KLC2: variants seen among roughly 807,000 people sequenced by gnomAD.
KLC2 encodes kinesin light chain 2, also known as KLC 2.
Under a neutral mutation model 75.1 loss-of-function variants are expected in KLC2, and 35 were observed. The observed-to-expected ratio is 0.47, with a 90% CI of 0.36 to 0.62. The LOEUF is 0.62. Ranked by LOEUF, KLC2 falls within the 20% of genes least tolerant of loss-of-function variation. The pLI is 0.00. For synonymous variants in KLC2, 314 were observed against 336.7 expected (o/e 0.93, Z 0.74); for missense variants, 611 against 833.2 (o/e 0.73, Z 3.28).
chr11:66,263,061 A>T, intron 5 of KLC2, 25 bp downstream of exon 5: 1 of 1,563,158 alleles, frequency 6.4e-7, no homozygotes, highest in South Asian at 1.1e-5. Context: ...GGGGTGCCCA[A>T]ATTCTTCTGG....
Position 66,265,006 on chromosome 11 carries a change from C to A in KLC2, c.1217-17C>A. On this transcript the variant is annotated splice_polypyrimidine_tract_variant and intron_variant, in intron 9 of 15. Transcript: ENST00000394067. The stretch of plus-strand genomic sequence containing the variant: ...ACCTATATGGTAGGCTGGTGACAGT[C>A]CCCTTTCTCTCCCCAGGGGACAACA... 1 of 1,612,656 alleles carries A rather than the reference C, an allele frequency of 6.2e-7. No homozygotes were observed.
the KLC2 span, among the ~76,000 whole-genome samples, chr11:66,247,097 C>T: frequency 3.9e-5 from 6 of 152,164 alleles, no homozygotes; most frequent in Non-Finnish European, 8.8e-5. Context: ...GTTCCGAGGC[C>T]GAAAACTGGG....
Position 66,266,024 on chromosome 11 carries a change from G to C in KLC2, c.1602+12G>C. The C allele has an allele frequency of 6.2e-7, 1 of 1,613,406 alleles. No individual in the cohort carries two copies. Among genetic ancestry groups the C allele is most frequent in the Non-Finnish European group, 8.5e-7 (1 of 1,179,578 alleles). ...CTGAGTGGAATGGGGTGAGTCCGGG[G>C]CCTGGGCCGGGTCGGGCTGGGAGCC... On this transcript the variant is annotated intron_variant, in intron 13 of 15. Coordinates refer to ENST00000394067, the MANE Select transcript of KLC2 (RefSeq NM_001318734.2).
chr11:66,261,924 G>A lies in KLC2; in HGVS notation c.411G>A (p.Leu137=), dbSNP rs1341105934. ...AGCTCGAGGAGGAGAAGCAGCACTTGCTGTTCATGAGCCAGATCCGCAAGT... is the reference window on the plus strand; with the variant it reads ...AGCTCGAGGAGGAGAAGCAGCACTTACTGTTCATGAGCCAGATCCGCAAGT... The part of the protein sequence containing the change: ...VAQLEEEKQH[L]LFMSQIRKLD... The change falls in exon 3 of 16, where the codon TTG becomes TTA. Residue 137 remains leucine, a synonymous_variant. Coordinates refer to ENST00000394067, the MANE Select transcript of KLC2 (RefSeq NM_001318734.2). 6.2e-7 allele frequency: 1 copy of A among 1,614,222 alleles called. No individual in the cohort carries two copies. The highest frequency in any genetic ancestry group is 8.5e-7 in the Non-Finnish European group (1 of 1,180,034).
At chr11:66,255,531 G>A (rs1167819674), upstream of KLC2, among the ~76,000 whole-genome samples, 1 of 152,028 alleles carries the variant, frequency 6.6e-6, no homozygotes, top group Non-Finnish European at 1.5e-5. Context: ...CAATGTGAGG[G>A]CTGAAGGATC....
At chr11:66,262,546 A>C (rs1229995385) in intron 4 of KLC2, 2 of 563,070 alleles carry the variant, frequency 3.6e-6, no homozygotes, top group Non-Finnish European at 6.4e-6. Context: ...CTGGTTATGC[A>C]TCGGGGCCTC....
the KLC2 span, among the ~76,000 whole-genome samples, chr11:66,247,054 T>C: frequency 6.6e-6 from 1 of 152,156 alleles, no homozygotes; most frequent in Non-Finnish European, 1.5e-5. Context: ...CTGGGGAGAC[T>C]TCCCTCCTAG....
Position 66,265,928 on chromosome 11 carries a change from C to T in KLC2, c.1518C>T (p.Arg506=), listed in dbSNP as rs756395506. ...KDGSGRRGDR[R]SSRDMAGGAG... ...GCAGTGGCAGGCGGGGAGACCGCCG[C>T]AGCAGCCGAGACATGGCTGGGGGTG... Residue 506 remains arginine (R), a synonymous_variant, in exon 13 of 16, where the codon CGC becomes CGT. Transcript: ENST00000394067. The T allele has an allele frequency of 1.3e-6, 2 of 1,590,050 alleles. No homozygotes were observed. The highest frequency in any genetic ancestry group is 1.1e-5 in the South Asian group (1 of 88,130).
chr11:66,248,230 A>C, the KLC2 span, among the ~76,000 whole-genome samples: 2 of 152,182 alleles, frequency 1.3e-5, no homozygotes, highest in African/African-American at 4.8e-5. Flanking sequence ...GAGTGGCTAT[A>C]TACCGCCCTG....
chr11:66,249,549 G>T, the KLC2 span, among the ~76,000 whole-genome samples: 2,464 of 152,288 alleles, frequency 0.016, 25 homozygotes, highest in Middle Eastern at 0.037. Flanking sequence ...GGCTGCTGCT[G>T]AGTGCCTTAT....
At chr11:66,251,575 C>A in the KLC2 span, among the ~76,000 whole-genome samples, 2 of 138,796 alleles carry the variant, frequency 1.4e-5, 1 homozygote, top group Admixed American at 1.4e-4. Flanking sequence ...GAGTTCGAAA[C>A]CAGCCTGACC....
In KLC2 at chr11:66,267,204, A is replaced by T. The variant is rs1485114823; in HGVS notation, c.*248A>T. On this transcript the variant is annotated 3_prime_UTR_variant, in exon 16 of 16. Coordinates refer to ENST00000394067, the MANE Select transcript of KLC2 (RefSeq NM_001318734.2). ...TCTTCCCTAGGTTCGGGCCAGCAGG[A>T]GGTGCCGGCTGGAGTCTCCACCATA... 6.5e-7 allele frequency: 1 copy of T among 1,548,318 alleles called. No homozygotes were observed. Among genetic ancestry groups the T allele is most frequent in the South Asian group, 1.2e-5 (1 of 83,982 alleles).
In KLC2 at chr11:66,262,115, C is replaced by T. The variant is rs748187904; in HGVS notation, c.460-8C>T. ...CTTCCCTGATGCTCATCCTGTCTTC[C>T]TTCCCAGGAGGAGAAGGGGGACGTC... is the stretch of plus-strand genomic sequence containing the variant. On this transcript the variant is annotated splice_polypyrimidine_tract_variant and splice_region_variant and intron_variant, in intron 3 of 15. Transcript: ENST00000394067. 2 of 1,613,028 alleles carry T rather than the reference C, an allele frequency of 1.2e-6. No individual in the cohort carries two copies. The highest frequency in any genetic ancestry group is 8.5e-7 in the Non-Finnish European group (1 of 1,179,536).
Position 66,258,745 on chromosome 11 carries a change from G to A in KLC2, c.151G>A (p.Glu51Lys), listed in dbSNP as rs757182897. The change falls in exon 2 of 16, where the codon GAG becomes AAG. Residue 51 changes from glutamate (E) to lysine (K), a missense_variant. Glu to Lys is a moderately conservative substitution (Grantham distance 56, BLOSUM62 1). Transcript: ENST00000394067. ...PLVAPEAGEA[E>K]PGSQERCILL... is the part of the protein sequence containing the mutation. Reference sequence around the variant, plus strand: ...GGTTGCACCTGAGGCCGGCGAAGCCGAGCCTGGCTCGCAGGAGCGCTGCAT... The same window carrying A: ...GGTTGCACCTGAGGCCGGCGAAGCCAAGCCTGGCTCGCAGGAGCGCTGCAT... 2 of 1,613,582 alleles carry A rather than the reference G, an allele frequency of 1.2e-6. No homozygotes were observed. The highest frequency in any genetic ancestry group is 1.7e-5 in the Admixed American group (1 of 60,034).
chr11:66,266,793 C>T, intron 15 of KLC2, 80 bp from the exon 16 acceptor site: 1 of 1,454,246 alleles, frequency 6.9e-7, no homozygotes, highest in Non-Finnish European at 9.6e-7. Flanking sequence ...GCTGCCTCTG[C>T]CAGGTCAGAC....
At chr11:66,262,057 C>A (rs776578635) in intron 3 of KLC2, 66 bp from the exon 4 acceptor site, 11 of 1,584,418 alleles carry the variant, frequency 6.9e-6, no homozygotes, top group Non-Finnish European at 9.5e-6. Context: ...GGCTCCACCC[C>A]AGCCCATGGA....
rs766562911 is a variant in KLC2, at chr11:66,267,602, G to C, written c.*646G>C. 158 of 601,784 alleles carry C rather than the reference G, an allele frequency of 2.6e-4. No individual in the cohort carries two copies. Among genetic ancestry groups the C allele is most frequent in the Non-Finnish European group, 4.3e-4 (144 of 335,450 alleles). The allele number at this position is 601,784 out of a possible 1,614,324, so 37.3% of individuals were successfully genotyped here. A position where few individuals can be genotyped will look rare whatever the true frequency, so the allele number is the denominator to read the frequency against. On this transcript the variant is annotated 3_prime_UTR_variant, in exon 16 of 16. Coordinates refer to ENST00000394067, the MANE Select transcript of KLC2 (RefSeq NM_001318734.2). ...CAGGACGGGGACCTCCCCTTAGTCCGTCCTCCCACCGCCGGGCCCTGCCCC... is the reference window on the plus strand; with the variant it reads ...CAGGACGGGGACCTCCCCTTAGTCCCTCCTCCCACCGCCGGGCCCTGCCCC...
At position 66,265,207 on chromosome 11, in the gene KLC2, A is replaced by C; in HGVS notation, c.1306A>C (p.Ser436Arg). The C allele has an allele frequency of 6.5e-7, 1 of 1,540,770 alleles. No homozygotes were observed. Among genetic ancestry groups the C allele is most frequent in the Non-Finnish European group, 8.8e-7 (1 of 1,130,106 alleles). ...RDSAPYGEYG[S>R]WYKACKVDSP... ...CAGCGCCCCCTATGGGGAATACGGC[A>C]GCTGGTACAAGGCCTGTAAAGTAGA... The change falls in exon 11 of 16, where the codon AGC becomes CGC. Residue 436 changes from serine (S) to arginine (R), a missense_variant. Physicochemically the swap from Ser to Arg is moderately radical, Grantham distance 110. Coordinates refer to ENST00000394067, the MANE Select transcript of KLC2 (RefSeq NM_001318734.2).
intron 2 of KLC2, 104 bp from the exon 3 acceptor site, chr11:66,261,638 A>G: frequency 1.5e-6 from 1 of 675,114 alleles, no homozygotes. Context: ...CTGTAGGGCC[A>G]GGCCTGGCCC....
Sources: gnomAD v4.1 joint callset for allele counts (sites outside exome capture counted in the v4.1 genomes callset) on GRCh38, gnomAD v4.1.1 for gene constraint, MANE v1.5 for transcripts, NCBI Gene and HGNC (gene_info 2026-07-23, HGNC 2026-07-21) for gene names.